GAPVD1: variants seen among roughly 807,000 people sequenced by gnomAD.
GAPVD1 encodes GTPase-activating protein and VPS9 domain-containing protein 1.
GAPVD1 carries 35 observed loss-of-function variants against 155.5 expected under a neutral mutation model. The ratio of observed to expected loss-of-function variants is 0.23; its 90% CI spans 0.17 to 0.30. The LOEUF is 0.30. Among genes scored for constraint, GAPVD1 ranks in the 10% least tolerant of loss-of-function variants. The pLI is 1.00. For synonymous variants in GAPVD1, 636 were observed against 619.7 expected, an observed-to-expected ratio of 1.03 and a Z score of -0.39; for missense variants, 1,429 against 1,775.7, an observed-to-expected ratio of 0.80 and a Z score of 3.51.
chr9:125,336,468 G>C (rs1438561486), intron 15 of GAPVD1, among the ~76,000 whole-genome samples: 2 of 152,134 alleles, frequency 1.3e-5, no homozygotes, highest in African/African-American at 4.8e-5. Flanking sequence ...TGTCTGTACA[G>C]AGTATTGCCC....
In GAPVD1 at chr9:125,300,041, ATATAT is replaced by A. The variant is rs1840589149; in HGVS notation, c.185+936_185+940del. On this transcript the variant is annotated intron_variant, in intron 4 of 27. Coordinates refer to ENST00000297933, the MANE Select transcript of GAPVD1 (RefSeq NM_001282680.3). ...CTCAAAAGAAAAAAAAAAAAAAAAT[ATATAT>A]ATATATATATATATATATATATATA... Among the ~76,000 whole-genome samples, 66 of 13,550 alleles carry A rather than the reference ATATAT, an allele frequency of 4.9e-3. 13 individuals are homozygous for A. The highest frequency in any genetic ancestry group is 6.5e-3 in the Non-Finnish European group (45 of 6,872). The allele number at this position is 13,550 out of a possible 152,430, so 8.9% of individuals were successfully genotyped here.
chr9:125,335,514 A>G (rs891915387), intron 15 of GAPVD1, among the ~76,000 whole-genome samples: 6 of 151,990 alleles, frequency 3.9e-5, no homozygotes, highest in African/African-American at 1.4e-4. Context: ...CATCTCTACT[A>G]AAAATACAAA....
chr9:125,332,688 A>G, intron 15 of GAPVD1, 59 bp downstream of exon 15: 3 of 1,431,176 alleles, frequency 2.1e-6, no homozygotes, highest in Non-Finnish European at 2.9e-6. Context: ...TGAAACTGGC[A>G]CTGTGACACA....
In GAPVD1 at chr9:125,302,569, C is replaced by A. The variant is rs4437748; in HGVS notation, c.772C>A (p.Leu258Ile). 6.2e-7 allele frequency: 1 copy of A among 1,613,702 alleles called. No individual in the cohort carries two copies. Among genetic ancestry groups the A allele is most frequent in the East Asian group, 2.2e-5 (1 of 44,892 alleles). Residue 258 changes from leucine to isoleucine, a missense_variant, in exon 5 of 28, where the codon CTA becomes ATA. This residue lies in a region of GAPVD1 where 628 missense variants were observed against 733.4 expected (regional missense o/e 0.86). Coordinates refer to ENST00000297933, the MANE Select transcript of GAPVD1 (RefSeq NM_001282680.3). ...AATGGTGGAGTCCAATGAAGCAAAGCTAGTGGCTTTGGTGAACAAATTTAT... is the reference window on the plus strand; with the variant it reads ...AATGGTGGAGTCCAATGAAGCAAAGATAGTGGCTTTGGTGAACAAATTTAT... ...QEMVESNEAK[L>I]VALVNKFIGY... is the part of the protein sequence containing the mutation.
intron 5 of GAPVD1, chr9:125,303,898 A>C (rs1402470158): frequency 6.6e-6 from 1 of 152,088 alleles, no homozygotes; most frequent in African/African-American, 2.4e-5. Context: ...ACTTTTTTTA[A>C]TGTTTATAAA....
At chr9:125,300,758 A>C (rs891987549) in intron 4 of GAPVD1, among the ~76,000 whole-genome samples, 3 of 152,006 alleles carry the variant, frequency 2.0e-5, no homozygotes, top group African/African-American at 7.2e-5. Flanking sequence ...TTCAAGCTGA[A>C]CACTTGACAT....
chr9:125,335,386 TTA>T (rs1228431827), intron 15 of GAPVD1: 48 of 462,650 alleles, frequency 1.0e-4, no homozygotes, highest in South Asian at 1.9e-4. Flanking sequence ...CTTTTTTTTT[TTA>T]AAAATGGGGC....
chr9:125,312,085 A>G (rs1842753460), intron 8 of GAPVD1, among the ~76,000 whole-genome samples: 1 of 152,176 alleles, frequency 6.6e-6, no homozygotes, highest in Non-Finnish European at 1.5e-5. Flanking sequence ...ATTTATAGGA[A>G]AAATAGTGAA....
intron 23 of GAPVD1, among the ~76,000 whole-genome samples, chr9:125,354,287 G>A (rs1288324304): frequency 6.6e-6 from 1 of 152,164 alleles, no homozygotes; most frequent in Non-Finnish European, 1.5e-5. Flanking sequence ...GTTATTGTTG[G>A]TCATCTGTAG....
rs1847108569 is a variant in GAPVD1 at position 125,336,931 on chromosome 9, T to C, written c.2429-87T>C. On this transcript the variant is annotated intron_variant, in intron 15 of 27. Transcript: ENST00000297933. The stretch of plus-strand genomic sequence containing the variant: ...TTCTAATGGATCAAAAAAGGAACCG[T>C]CAAAGAATACTTAAAACCCTTTAAA... 5 of 743,404 alleles carry C rather than the reference T, an allele frequency of 6.7e-6. No homozygotes were observed. The South Asian group carries it at 8.3e-5, about 12-fold the overall frequency. 46.1% of individuals were successfully genotyped at this position (743,404 alleles called of 1,614,324 possible). A position where few individuals can be genotyped will look rare whatever the true frequency, so the allele number is the denominator to read the frequency against.
chr9:125,309,917 T>C, intron 8 of GAPVD1: 1 of 457,934 alleles, frequency 2.2e-6, no homozygotes, highest in Non-Finnish European at 4.5e-6. Flanking sequence ...ATTTAATGCT[T>C]TTGCAACCCA....
intron 2 of GAPVD1, among the ~76,000 whole-genome samples, chr9:125,287,259 C>T (rs575904216): frequency 3.9e-4 from 60 of 152,088 alleles, no homozygotes; most frequent in Non-Finnish European, 6.9e-4. Flanking sequence ...AAAAATGGGC[C>T]GGGCGCAGTG....
chr9:125,303,212 G>A (rs1841200885), intron 5 of GAPVD1, among the ~76,000 whole-genome samples: 1 of 151,868 alleles, frequency 6.6e-6, no homozygotes, highest in South Asian at 2.1e-4. Context: ...TTAGCCATGG[G>A]GTTAAAATTT....
intron 20 of GAPVD1, 37 bp from the exon 21 acceptor site, chr9:125,349,353 C>T (rs759886373): frequency 1.9e-6 from 3 of 1,587,148 alleles, no homozygotes; most frequent in Non-Finnish European, 2.6e-6. Context: ...TCCAAATGAA[C>T]CTGGGTATCC....
rs1182661166 is a variant in GAPVD1, at chr9:125,365,042, G to A, written c.*2296G>A. 1 of 152,316 alleles carries A rather than the reference G, an allele frequency of 6.6e-6. No homozygotes were observed. Among genetic ancestry groups the A allele is most frequent in the African/African-American group, 2.4e-5 (1 of 41,452 alleles). The allele number at this position is 152,316 out of a possible 1,614,324, so 9.4% of individuals were successfully genotyped here. A position where few individuals can be genotyped will look rare whatever the true frequency, so the allele number is the denominator to read the frequency against. On this transcript the variant is annotated 3_prime_UTR_variant, in exon 28 of 28. Coordinates refer to ENST00000297933, the MANE Select transcript of GAPVD1 (RefSeq NM_001282680.3). Reference sequence around the variant, plus strand: ...GCTCTTTTCTGTGGAAGAGAAGGTGGTGGGATTGGGGTGAAGGGCTACACT... The same window carrying A: ...GCTCTTTTCTGTGGAAGAGAAGGTGATGGGATTGGGGTGAAGGGCTACACT...
intron 13 of GAPVD1, among the ~76,000 whole-genome samples, chr9:125,331,079 G>A (rs1250889498): frequency 2.0e-5 from 3 of 151,930 alleles, no homozygotes; most frequent in Non-Finnish European, 2.9e-5. Context: ...TTATGAAGAC[G>A]CATCTTTGCT....
intron 25 of GAPVD1, 33 bp from the exon 26 acceptor site, chr9:125,359,387 A>G (rs768550795): frequency 5.8e-6 from 7 of 1,214,724 alleles, no homozygotes; most frequent in Non-Finnish European, 8.5e-6. Context: ...TTCTGAAATG[A>G]ATGTTTACAT....
At chr9:125,287,209 G>A (rs1024016569) in intron 2 of GAPVD1, among the ~76,000 whole-genome samples, 4 of 151,960 alleles carry the variant, frequency 2.6e-5, no homozygotes, top group Admixed American at 6.6e-5. Context: ...ATGAGAGGGG[G>A]CCAGATATAA....
rs2132832586 is a variant in GAPVD1 at position 125,366,155 on chromosome 9, T to C, written c.*3409T>C. On this transcript the variant is annotated 3_prime_UTR_variant, in exon 28 of 28. Coordinates refer to ENST00000297933, the MANE Select transcript of GAPVD1 (RefSeq NM_001282680.3). ...GTGCTGCATGGTTTTTCTATTCCTA[T>C]GTCCTGGAAGCCTTTGTTTAAAGTG... The C allele has an allele frequency of 6.6e-6, 1 of 152,332 alleles. No homozygotes were observed. Among genetic ancestry groups the C allele is most frequent in the Middle Eastern group, 3.4e-3 (1 of 294 alleles). 9.4% of individuals were successfully genotyped at this position (152,332 alleles called of 1,614,324 possible).
Sources: gnomAD v4.1 joint callset for allele counts (sites outside exome capture counted in the v4.1 genomes callset) on GRCh38, gnomAD v4.1.1 for gene constraint, gnomAD v4.1.1 regional missense constraint, MANE v1.5 for transcripts, NCBI Gene and HGNC (gene_info 2026-07-23, HGNC 2026-07-21) for gene names.